Variants in PLEKHA4 observed in about 807,000 individuals in gnomAD.
PLEKHA4 encodes the protein pleckstrin homology domain-containing family A member 4.
PLEKHA4 carries 73 observed loss-of-function variants against 94.7 expected under a neutral mutation model. That is an observed-to-expected ratio of 0.77 (90% CI 0.64 to 0.94). The LOEUF (loss-of-function observed/expected upper bound fraction) is 0.94. Among genes scored for constraint, PLEKHA4 ranks in the 40% least tolerant of loss-of-function variants. PLEKHA4 has a pLI of 0.00. For synonymous variants in PLEKHA4, 449 were observed against 437.1 expected, an observed-to-expected ratio of 1.03 and a Z score of -0.34; for missense variants, 1,049 against 1,054.1, an observed-to-expected ratio of 1.00 and a Z score of 0.07.
At chr19:48,857,199 C>T (rs1484623982) in intron 9 of PLEKHA4, among the ~76,000 whole-genome samples, 1 of 152,126 alleles carries the variant, frequency 6.6e-6, no homozygotes, top group Non-Finnish European at 1.5e-5. Flanking sequence ...CCCTGCCAAT[C>T]CCTTGACTCC....
At chr19:48,846,941 A>G (rs1193473752) in intron 14 of PLEKHA4, among the ~76,000 whole-genome samples, 1 of 152,102 alleles carries the variant, frequency 6.6e-6, no homozygotes, top group Non-Finnish European at 1.5e-5. Flanking sequence ...CAGTGGTGCA[A>G]TCTTGGTTCA....
Position 48,837,951 on chromosome 19 carries a change from T to A in PLEKHA4, c.2077+66A>T, listed in dbSNP as rs766968873. The A allele has an allele frequency of 3.9e-5, 53 of 1,347,260 alleles. No homozygotes were observed. The highest frequency in any genetic ancestry group is 5.4e-5 in the Non-Finnish European group (51 of 949,312). The allele number at this position is 1,347,260 out of a possible 1,614,324, so 83.5% of individuals were successfully genotyped here. On this transcript the variant is annotated intron_variant, in intron 19 of 19. Transcript: ENST00000263265. The surrounding 1 kb of genome is among the most constrained non-coding windows in gnomAD (Gnocchi z 4.3). ...CCCCAGACCCCTCCTCTCCAGGACC[T>A]GGGATTCCAGGTCTCCAGCTCTCTC...
chr19:48,859,663 T>C lies in PLEKHA4; in HGVS notation c.498A>G (p.Ala166=), dbSNP rs762813325. ...CGGGGCCCTCCCCGGGCTGGGGTCG[T>C]GCAGGTGACCTGGGTTGCCCACTAG... The part of the protein sequence containing the change: ...GDDYGQPRSP[A]RPQPGEGPGG... The change falls in exon 7 of 20, where the codon GCA becomes GCG. Residue 166 remains alanine, a synonymous_variant. Transcript: ENST00000263265. The C allele has an allele frequency of 3.5e-5, 57 of 1,611,988 alleles. No homozygotes were observed. In the South Asian group the frequency reaches 5.7e-4, roughly 16 times the overall value.
At position 48,859,142 on chromosome 19, in the gene PLEKHA4, G is replaced by A. The variant is rs2036541384; in HGVS notation, c.693-3C>T. 2.0e-6 allele frequency: 3 copies of A among 1,520,932 alleles called. No homozygotes were observed. The highest frequency in any genetic ancestry group is 1.8e-6 in the Non-Finnish European group (2 of 1,137,766). 94.2% of individuals were successfully genotyped at this position (1,520,932 alleles called of 1,614,324 possible). ...GGCGAGAGAGGGGGGTGAACAGGCT[G>A]TGGGAAGGAGAGAATCGGGGAACTG... On this transcript the variant is annotated splice_polypyrimidine_tract_variant and splice_region_variant and intron_variant, in intron 7 of 19. Transcript: ENST00000263265.
intron 13 of PLEKHA4, 140 bp from the exon 14 acceptor site, chr19:48,848,180 C>T: frequency 1.9e-6 from 2 of 1,031,008 alleles, no homozygotes; most frequent in Non-Finnish European, 2.8e-6. Context: ...TGTGGTTATC[C>T]AGTTGAATTG....
At chr19:48,855,495 T>C (rs2036367677) in intron 9 of PLEKHA4, among the ~76,000 whole-genome samples, 1 of 151,788 alleles carries the variant, frequency 6.6e-6, no homozygotes, top group Non-Finnish European at 1.5e-5. Flanking sequence ...TCCCAGCTAC[T>C]TGGGAGGCTG....
At position 48,858,909 on chromosome 19, in the gene PLEKHA4, C is replaced by T; in HGVS notation, c.923G>A (p.Gly308Glu). The change falls in exon 8 of 20, where the codon GGA becomes GAA. Residue 308 changes from glycine to glutamate, a missense_variant. Physicochemically the swap from Gly to Glu is moderately conservative, Grantham distance 98. Transcript: ENST00000263265. ...GTGCTGGGGACTCCTGGGGGGCTTT[C>T]CTCCCCCAGCCTCAGAGGGAGGTCC... ...RRGPPSEAGG[G>E]KPPRSPQHWS... 6.2e-7 allele frequency: 1 copy of T among 1,605,206 alleles called. No homozygotes were observed. The highest frequency in any genetic ancestry group is 8.5e-7 in the Non-Finnish European group (1 of 1,177,566).
At chr19:48,843,356 T>C (rs909623375) in intron 16 of PLEKHA4, among the ~76,000 whole-genome samples, 1 of 152,114 alleles carries the variant, frequency 6.6e-6, no homozygotes, top group Non-Finnish European at 1.5e-5. Flanking sequence ...TTTTTTTGTA[T>C]TTTTAGTAGA....
At position 48,861,475 on chromosome 19, in the gene PLEKHA4, T is replaced by C. The variant is rs1194562356; in HGVS notation, c.292A>G (p.Ser98Gly). The change falls in exon 5 of 20, where the codon AGC becomes GGC. Residue 98 changes from serine to glycine, a missense_variant. Coordinates refer to ENST00000263265, the MANE Select transcript of PLEKHA4 (RefSeq NM_020904.3). ...KDSREESVLG[S>G]VLLPSYNIRP... ...ATATTGTAGCTGGGGAGCAGGACGC[T>C]GCCTAGGACACTCTCCTCGCGGCTG... 1.2e-6 allele frequency: 2 copies of C among 1,614,018 alleles called. No individual in the cohort carries two copies. Among genetic ancestry groups the C allele is most frequent in the African/African-American group, 2.7e-5 (2 of 74,926 alleles).
intron 5 of PLEKHA4, among the ~76,000 whole-genome samples, chr19:48,860,988 C>T (rs1428575425): frequency 6.6e-6 from 1 of 152,130 alleles, no homozygotes; most frequent in Non-Finnish European, 1.5e-5. Context: ...AGGCGGATCA[C>T]CTGAGGCCAG....
intron 14 of PLEKHA4, 42 bp downstream of exon 14, chr19:48,847,858 G>A (rs767460930): frequency 3.9e-5 from 59 of 1,521,180 alleles, no homozygotes; most frequent in Non-Finnish European, 4.8e-5. Context: ...AGGACAGGTG[G>A]GACATGAAGC....
chr19:48,849,772 A>G (rs780981990), intron 13 of PLEKHA4, among the ~76,000 whole-genome samples: 8 of 152,222 alleles, frequency 5.3e-5, no homozygotes, highest in Non-Finnish European at 1.2e-4. Flanking sequence ...TAACAGCAAA[A>G]GTCAGGATGC....
rs1282928227 is a variant in PLEKHA4, at chr19:48,867,186, T to C, written c.84+351A>G. 1.3e-5 allele frequency among the ~76,000 whole-genome samples: 2 copies of C among 152,030 alleles called. No individual in the cohort carries two copies. The highest frequency in any genetic ancestry group is 2.9e-5 in the Non-Finnish European group (2 of 68,002). On this transcript the variant is annotated intron_variant, in intron 2 of 19. Coordinates refer to ENST00000263265, the MANE Select transcript of PLEKHA4 (RefSeq NM_020904.3). The surrounding 1 kb of genome is among the most constrained non-coding windows in gnomAD (Gnocchi z 4.7). ...CTCCTTATAGGATTTCATTAGTGGG[T>C]AGATTGGATGGCGAGAGATAGGACA...
chr19:48,841,857 G>C (rs1478141929), intron 16 of PLEKHA4, among the ~76,000 whole-genome samples: 1 of 152,120 alleles, frequency 6.6e-6, no homozygotes. Flanking sequence ...GAGGCAGGGG[G>C]ATCACTTAAG....
chr19:48,843,242 G>C (rs1007508276), intron 16 of PLEKHA4, among the ~76,000 whole-genome samples: 16 of 151,586 alleles, frequency 1.1e-4, no homozygotes, highest in Admixed American at 2.0e-4. Context: ...GCAATGGCAC[G>C]ATCTTGGCTC....
intron 17 of PLEKHA4, 135 bp downstream of exon 17, chr19:48,841,014 A>C: frequency 1.1e-6 from 1 of 934,084 alleles, no homozygotes; most frequent in Non-Finnish European, 1.6e-6. Flanking sequence ...GCACAAGTAC[A>C]AACTGGGGTA....
intron 12 of PLEKHA4, among the ~76,000 whole-genome samples, chr19:48,853,084 A>G (rs930424201): frequency 2.6e-5 from 4 of 152,220 alleles, no homozygotes; most frequent in African/African-American, 4.8e-5. Context: ...CCTATGAGGT[A>G]GTTACTATTA....
chr19:48,863,033 C>T (rs528773274), intron 3 of PLEKHA4, among the ~76,000 whole-genome samples: 2 of 152,168 alleles, frequency 1.3e-5, no homozygotes, highest in East Asian at 1.9e-4. Context: ...CCAAATGCAG[C>T]GTCTCCACCT....
At chr19:48,855,061 T>G (rs1217743896) in intron 9 of PLEKHA4, among the ~76,000 whole-genome samples, 1 of 152,066 alleles carries the variant, frequency 6.6e-6, no homozygotes, top group African/African-American at 2.4e-5. Flanking sequence ...TAGACCAACT[T>G]CCACATTCTT....
Sources: allele counts gnomAD v4.1 joint callset (sites outside exome capture counted in the v4.1 genomes callset), GRCh38; gene constraint gnomAD v4.1.1; non-coding constraint Gnocchi (gnomAD v3.1); transcripts MANE v1.5; gene names NCBI Gene and HGNC (gene_info 2026-07-23, HGNC 2026-07-21).